Variants in ASCC3 observed in about 807,000 individuals in gnomAD.
ASCC3 encodes the protein ASC-1 complex subunit P200.
Under a neutral mutation model 256.3 loss-of-function variants are expected in ASCC3, and 158 were observed. The observed-to-expected ratio is 0.62, with a 90% CI of 0.54 to 0.70. The LOEUF (loss-of-function observed/expected upper bound fraction) is 0.70, where lower values mean the gene tolerates loss of function less well. Among genes scored for constraint, ASCC3 ranks in the 30% least tolerant of loss-of-function variants. The pLI is 0.00. For synonymous variants in ASCC3, 948 were observed against 883.4 expected (o/e 1.07, Z -1.30); for missense variants, 2,259 against 2,626.0 (o/e 0.86, Z 3.05).
intron 13 of ASCC3, among the ~76,000 whole-genome samples, chr6:100,700,394 G>C (rs1778297664): frequency 6.6e-6 from 1 of 152,086 alleles, no homozygotes; most frequent in African/African-American, 2.4e-5. Context: ...ATAGGGATGG[G>C]GTCCTCATCG....
chr6:100,786,458 T>G (rs1769087339), intron 8 of ASCC3, among the ~76,000 whole-genome samples: 1 of 152,154 alleles, frequency 6.6e-6, no homozygotes, highest in African/African-American at 2.4e-5. Context: ...CTATAACAAA[T>G]TTAAATTAAA....
chr6:100,513,556 T>C (rs1180527510), intron 39 of ASCC3, among the ~76,000 whole-genome samples: 2 of 152,128 alleles, frequency 1.3e-5, no homozygotes, highest in African/African-American at 4.8e-5. Flanking sequence ...TATTTCAAAT[T>C]TGCCCTATTT....
chr6:100,634,571 A>C (rs764398459), intron 25 of ASCC3, among the ~76,000 whole-genome samples: 1 of 152,232 alleles, frequency 6.6e-6, no homozygotes, highest in African/African-American at 2.4e-5. Flanking sequence ...TCAATTAAAA[A>C]TGGGCAAAAT....
intron 10 of ASCC3, among the ~76,000 whole-genome samples, chr6:100,757,419 A>C (rs2132170): frequency 0.068 from 10,281 of 151,706 alleles, 794 homozygotes; most frequent in East Asian, 0.3. Context: ...TAAAATAATA[A>C]CCCTGCTCTT....
chr6:100,844,396 T>C (rs1772293544), intron 4 of ASCC3, among the ~76,000 whole-genome samples: 1 of 151,802 alleles, frequency 6.6e-6, no homozygotes, highest in Non-Finnish European at 1.5e-5. Flanking sequence ...TTTACTGTTG[T>C]TAATACTACT....
At chr6:100,677,423 T>A (rs980277650) in intron 14 of ASCC3, among the ~76,000 whole-genome samples, 8 of 152,134 alleles carry the variant, frequency 5.3e-5, no homozygotes, top group Admixed American at 2.0e-4. Context: ...TAGAACACAG[T>A]GTAGTGAAAA....
intron 5 of ASCC3, among the ~76,000 whole-genome samples, chr6:100,802,409 T>C (rs1292964452): frequency 6.6e-6 from 1 of 152,092 alleles, no homozygotes; most frequent in Non-Finnish European, 1.5e-5. Flanking sequence ...CTGCCATGAT[T>C]GGAAGCTTCC....
intron 4 of ASCC3, among the ~76,000 whole-genome samples, chr6:100,820,858 C>T (rs1771006870): frequency 6.6e-6 from 1 of 151,948 alleles, no homozygotes; most frequent in African/African-American, 2.4e-5. Flanking sequence ...CACGAATGAC[C>T]AATAACCAGG....
At chr6:100,741,655 T>C (rs538772244) in intron 10 of ASCC3, among the ~76,000 whole-genome samples, 41 of 152,308 alleles carry the variant, frequency 2.7e-4, no homozygotes, top group South Asian at 1.2e-3. Flanking sequence ...GAGATGATTT[T>C]CTCTGCTTGG....
chr6:100,518,283 A>G (rs1774137831), intron 37 of ASCC3, 141 bp from the exon 38 acceptor site: 2 of 938,422 alleles, frequency 2.1e-6, no homozygotes, highest in Non-Finnish European at 3.3e-6. Flanking sequence ...CATAGAAACC[A>G]GAAAATAAAT....
At chr6:100,799,408 G>T in intron 7 of ASCC3, 23 bp downstream of exon 7, 1 of 1,608,976 alleles carries the variant, frequency 6.2e-7, no homozygotes, top group Non-Finnish European at 8.5e-7. Flanking sequence ...TTATTGAACA[G>T]TAGTTATATA....
chr6:100,569,505 C>T (rs990201950), intron 36 of ASCC3, among the ~76,000 whole-genome samples: 1 of 152,076 alleles, frequency 6.6e-6, no homozygotes, highest in Non-Finnish European at 1.5e-5. Flanking sequence ...GCCTCAGCCT[C>T]CCGAGTAGCT....
chr6:100,847,214 T>C (rs1013946540), intron 4 of ASCC3, among the ~76,000 whole-genome samples: 1 of 152,132 alleles, frequency 6.6e-6, no homozygotes, highest in African/African-American at 2.4e-5. Flanking sequence ...ATAATCATAA[T>C]TGGATAACTA....
intron 8 of ASCC3, among the ~76,000 whole-genome samples, chr6:100,797,698 T>G (rs193238454): frequency 6.6e-6 from 1 of 152,076 alleles, no homozygotes; most frequent in East Asian, 1.9e-4. Context: ...TCGAAGAGAT[T>G]AGGACTTAAA....
intron 13 of ASCC3, among the ~76,000 whole-genome samples, chr6:100,682,608 C>T (rs1319813859): frequency 6.6e-6 from 1 of 152,180 alleles, no homozygotes; most frequent in Non-Finnish European, 1.5e-5. Context: ...TATGCAGTTC[C>T]TACTATGTGC....
At chr6:100,855,719 G>A (rs1772911754) in intron 3 of ASCC3, among the ~76,000 whole-genome samples, 1 of 152,116 alleles carries the variant, frequency 6.6e-6, no homozygotes, top group Non-Finnish European at 1.5e-5. Context: ...TTAACCCATA[G>A]AAGCAACTAT....
intron 10 of ASCC3, among the ~76,000 whole-genome samples, chr6:100,761,107 T>TA (rs1261741311): frequency 1.3e-5 from 2 of 152,132 alleles, no homozygotes; most frequent in African/African-American, 4.8e-5. Context: ...AACAACATAT[T>TA]AACTATAAGA....
chr6:100,769,392 A>T (rs1781813991), intron 8 of ASCC3, among the ~76,000 whole-genome samples: 1 of 152,016 alleles, frequency 6.6e-6, no homozygotes, highest in African/African-American at 2.4e-5. Flanking sequence ...AAGAAATAAT[A>T]AATACTTAAA....
rs1282494036 is a variant in ASCC3, at chr6:100,679,761, A to C, written c.2152-9T>G. The C allele has an allele frequency of 1.2e-6, 2 of 1,613,344 alleles. No individual in the cohort carries two copies. Among genetic ancestry groups the C allele is most frequent in the Non-Finnish European group, 1.7e-6 (2 of 1,179,492 alleles). ...TGTACAAACACCATCACCTGAAAAA[A>C]AGGAAAGCAGTTTATTTAATATTCC... On this transcript the variant is annotated splice_polypyrimidine_tract_variant and intron_variant, in intron 13 of 41. Transcript: ENST00000369162.
Sources: allele counts gnomAD v4.1 joint callset (sites outside exome capture counted in the v4.1 genomes callset), GRCh38; gene constraint gnomAD v4.1.1; transcripts MANE v1.5; gene names NCBI Gene and HGNC (gene_info 2026-07-23, HGNC 2026-07-21).